Variants in C9orf43 observed in about 807,000 individuals in gnomAD.
C9orf43 encodes uncharacterized protein C9orf43.
In C9orf43, 45 loss-of-function variants were observed where a neutral mutation model predicts 59.1. That is an observed-to-expected ratio of 0.76 (90% CI 0.60 to 0.98). C9orf43 has a LOEUF of 0.98. Among genes scored for constraint, C9orf43 ranks in the 50% least tolerant of loss-of-function variants. The probability of loss-of-function intolerance (pLI) is 0.00; values close to 1 mark genes in which losing one functional copy is unlikely to be tolerated. For missense variants in C9orf43, 533 were observed against 554.9 expected, an observed-to-expected ratio of 0.96 and a Z score of 0.40; for synonymous variants, 203 against 196.8, an observed-to-expected ratio of 1.03 and a Z score of -0.26.
intron 3 of C9orf43, among the ~76,000 whole-genome samples, chr9:113,418,764 C>T (rs1828466514): frequency 6.6e-6 from 1 of 152,016 alleles, no homozygotes; most frequent in South Asian, 2.1e-4. Context: ...GTATATACCG[C>T]ATTTTATTTA....
At chr9:113,428,016 T>C (rs1011268107) in intron 11 of C9orf43, 131 bp from the exon 12 acceptor site, 2 of 809,840 alleles carry the variant, frequency 2.5e-6, no homozygotes, top group African/African-American at 3.4e-5. Flanking sequence ...CTAACTACCT[T>C]TTACCTGCCA....
intron 6 of C9orf43, 141 bp from the exon 7 acceptor site, chr9:113,423,185 A>G: frequency 1.5e-6 from 1 of 671,578 alleles, no homozygotes; most frequent in African/African-American, 1.8e-5. Flanking sequence ...AGAGGGAAAC[A>G]TGTGGCGGCC....
Position 113,421,221 on chromosome 9 carries a change from A to AT in C9orf43, c.446+18_446+19insT. On this transcript the variant is annotated intron_variant, in intron 5 of 13. Transcript: ENST00000374165. ...CATGTGAGGTGAGTATCATATCTGG[A>AT]ACTCAGAGGACTTTGACTCTATAAA... The AT allele has an allele frequency of 6.5e-7, 1 of 1,544,682 alleles. No individual in the cohort carries two copies. Among genetic ancestry groups the AT allele is most frequent in the Non-Finnish European group, 9.0e-7 (1 of 1,117,286 alleles).
At chr9:113,423,839 T>C (rs751965593) in intron 7 of C9orf43, among the ~76,000 whole-genome samples, 21 of 152,330 alleles carry the variant, frequency 1.4e-4, no homozygotes, top group Admixed American at 2.6e-4. Context: ...CCTTTGAATT[T>C]TACATTGAAA....
At chr9:113,422,674 C>T (rs1828626442) in intron 6 of C9orf43, 89 bp downstream of exon 6, 25 of 1,454,066 alleles carry the variant, frequency 1.7e-5, no homozygotes, top group Non-Finnish European at 2.3e-5. Flanking sequence ...ACCTTACCCC[C>T]GTTCTTTCCT....
In C9orf43 at chr9:113,424,045, G is replaced by A. The variant is rs1004980407; in HGVS notation, c.657-121G>A. On this transcript the variant is annotated intron_variant, in intron 7 of 13. Coordinates refer to ENST00000374165, the MANE Select transcript of C9orf43 (RefSeq NM_001278629.2). ...AGTGTTACCAAATGAACACTTGTTG[G>A]TACAGGCCTTTTCAGACCCAAAGTG... 3.7e-6 allele frequency: 4 copies of A among 1,082,582 alleles called. No homozygotes were observed. In the African/African-American group the frequency reaches 6.3e-5, roughly 17 times the overall value. The allele number at this position is 1,082,582 out of a possible 1,614,324, so 67.1% of individuals were successfully genotyped here.
chr9:113,412,291 A>G lies in C9orf43; in HGVS notation c.-49-1154A>G, dbSNP rs370900091. ...TAAAAGGACATTGTGGGCTATTTCA[A>G]TTTTAAAATTGATTCAAATTTAAAA... On this transcript the variant is annotated intron_variant, in intron 1 of 13. Coordinates refer to ENST00000374165, the MANE Select transcript of C9orf43 (RefSeq NM_001278629.2). Among the ~76,000 whole-genome samples the G allele has an allele frequency of 2.2e-4, 34 of 152,326 alleles. No homozygotes were observed. In the East Asian group the frequency reaches 4.8e-3, roughly 22 times the overall value.
At chr9:113,425,286 T>G in intron 9 of C9orf43, 58 bp from the exon 10 acceptor site, 1 of 1,608,156 alleles carries the variant, frequency 6.2e-7, no homozygotes. Context: ...ACAGCAGGCA[T>G]TCCAGTGGGA....
intron 8 of C9orf43, 30 bp downstream of exon 8, chr9:113,424,346 C>T: frequency 6.4e-7 from 1 of 1,571,766 alleles, no homozygotes; most frequent in Non-Finnish European, 8.6e-7. Context: ...AGGGAAGAAG[C>T]CTATGTGAAA....
intron 1 of C9orf43, among the ~76,000 whole-genome samples, chr9:113,411,634 TA>T (rs1447092506): frequency 1.3e-5 from 2 of 152,192 alleles, no homozygotes; most frequent in African/African-American, 4.8e-5. Context: ...GTTATTTTTA[TA>T]TTAAGTTCGT....
chr9:113,424,126 A>AGCTGTCTGTCTG (rs1471867922), intron 7 of C9orf43, 40 bp from the exon 8 acceptor site: 12 of 1,543,344 alleles, frequency 7.8e-6, no homozygotes, highest in Admixed American at 4.4e-5. Flanking sequence ...TTCCGGGAAG[A>AGCTGTCTGTCTG]GCTGTTGCTG....
rs747731814 is a variant in C9orf43 at position 113,428,926 on chromosome 9, C to G, written c.1134C>G (p.Asn378Lys). The G allele has an allele frequency of 1.2e-6, 2 of 1,613,844 alleles. No homozygotes were observed. Among genetic ancestry groups the G allele is most frequent in the Non-Finnish European group, 1.7e-6 (2 of 1,179,750 alleles). The change falls in exon 13 of 14, where the codon AAC (asparagine) becomes AAG (lysine). Residue 378 changes from asparagine to lysine, a missense_variant. Coordinates refer to ENST00000374165, the MANE Select transcript of C9orf43 (RefSeq NM_001278629.2). ...KQDSTERPKM[N>K]YYDHADFHHS... The stretch of plus-strand genomic sequence containing the variant: ...ATTCCACGGAGAGACCAAAGATGAA[C>G]TACTATGACCATGCGGATTTCCACC...
chr9:113,415,344 A>G (rs764765251), intron 3 of C9orf43, among the ~76,000 whole-genome samples: 1 of 151,730 alleles, frequency 6.6e-6, no homozygotes, highest in East Asian at 1.9e-4. Flanking sequence ...GGTTTTCGCC[A>G]TGTTTGCCCA....
chr9:113,417,772 T>C (rs1828421695), intron 3 of C9orf43, among the ~76,000 whole-genome samples: 1 of 152,196 alleles, frequency 6.6e-6, no homozygotes, highest in Non-Finnish European at 1.5e-5. Context: ...GGAAAATAGT[T>C]CATTGTGCCT....
chr9:113,413,323 T>C, intron 1 of C9orf43, 122 bp from the exon 2 acceptor site: 9 of 815,944 alleles, frequency 1.1e-5, no homozygotes, highest in Admixed American at 3.6e-5. Context: ...TTAATTATTT[T>C]GTGGCCATCA....
chr9:113,415,716 A>G (rs564574230), intron 3 of C9orf43, among the ~76,000 whole-genome samples: 23 of 152,232 alleles, frequency 1.5e-4, no homozygotes, highest in Non-Finnish European at 2.9e-4. Flanking sequence ...TGTGTACCCA[A>G]TGAGTGCTTG....
intron 3 of C9orf43, among the ~76,000 whole-genome samples, chr9:113,414,116 A>G (rs914428778): frequency 7.2e-5 from 11 of 152,328 alleles, no homozygotes; most frequent in Admixed American, 7.2e-4. Flanking sequence ...TAGGGCTGTT[A>G]TAACAAAATA....
chr9:113,418,154 A>G (rs1254471325), intron 3 of C9orf43, among the ~76,000 whole-genome samples: 1 of 152,230 alleles, frequency 6.6e-6, no homozygotes, highest in African/African-American at 2.4e-5. Context: ...TACATCCATC[A>G]GCACTATCCA....
At chr9:113,415,631 A>G (rs1828330008) in intron 3 of C9orf43, among the ~76,000 whole-genome samples, 1 of 151,970 alleles carries the variant, frequency 6.6e-6, no homozygotes, top group Non-Finnish European at 1.5e-5. Context: ...ATTTTTAGGT[A>G]TGAAACTATT....
Sources: allele counts gnomAD v4.1 joint callset (sites outside exome capture counted in the v4.1 genomes callset), GRCh38; gene constraint gnomAD v4.1.1; transcripts MANE v1.5; gene names NCBI Gene and HGNC (gene_info 2026-07-23, HGNC 2026-07-21).